Variants in UNC93A observed in about 807,000 individuals in gnomAD.
UNC93A encodes unc-93 homolog A, also known as N-acetylglucosamine transporter UNC93A.
A neutral mutation model predicts 47.5 loss-of-function variants in UNC93A; 43 were observed. That is an observed-to-expected ratio of 0.91 (90% CI 0.71 to 1.17). The LOEUF is 1.17. Ranked by LOEUF, UNC93A falls within the 50% of genes most tolerant of loss-of-function variation. UNC93A has a pLI of 0.00. For missense variants in UNC93A, 605 were observed against 577.6 expected, an observed-to-expected ratio of 1.05 and a Z score of -0.49; for synonymous variants, 280 against 258.0, an observed-to-expected ratio of 1.09 and a Z score of -0.82.
chr6:167,286,490 C>G (rs1783735307), upstream of UNC93A, among the ~76,000 whole-genome samples: 2 of 152,192 alleles, frequency 1.3e-5, no homozygotes, highest in South Asian at 4.1e-4. Flanking sequence ...GCGGCTGGAG[C>G]GAAGGGACTG....
At chr6:167,281,056 T>C (rs1451877547) in intron 1 of UNC93A, among the ~76,000 whole-genome samples, 1 of 152,108 alleles carries the variant, frequency 6.6e-6, no homozygotes, top group Non-Finnish European at 1.5e-5. Context: ...CCCAGAAGGA[T>C]GTCCCACCAA....
At chr6:167,270,070 G>GGGGGC (rs1783426629), upstream of UNC93A, among the ~76,000 whole-genome samples, 1 of 139,246 alleles carries the variant, frequency 7.2e-6, no homozygotes, top group Middle Eastern at 3.3e-3. Flanking sequence ...GGGTGGGGGG[G>GGGGGC]GGGCGTTCAC....
chr6:167,286,629 T>A (rs1389783658), upstream of UNC93A, among the ~76,000 whole-genome samples: 2 of 152,162 alleles, frequency 1.3e-5, no homozygotes, highest in Admixed American at 6.5e-5. Context: ...TAATTTCCCA[T>A]CACTGTATCT....
chr6:167,309,307 G>A (rs1016969386), intron 7 of UNC93A, among the ~76,000 whole-genome samples: 2 of 152,188 alleles, frequency 1.3e-5, no homozygotes, highest in Non-Finnish European at 2.9e-5. Context: ...AGGAAGCTGG[G>A]GCAGTGTGTG....
intron 1 of UNC93A, among the ~76,000 whole-genome samples, chr6:167,283,933 A>G (rs1239507550): frequency 6.6e-6 from 1 of 152,226 alleles, no homozygotes; most frequent in Non-Finnish European, 1.5e-5. Flanking sequence ...AAACGCTTTC[A>G]TAGCATCAGG....
intron 1 of UNC93A, 149 bp downstream of exon 1, chr6:167,291,725 G>A (rs940848203): frequency 2.8e-6 from 2 of 725,932 alleles, no homozygotes; most frequent in African/African-American, 3.6e-5. Context: ...AACAAACAGT[G>A]GTTCTCAGAT....
intron 4 of UNC93A, among the ~76,000 whole-genome samples, chr6:167,300,812 C>T (rs1392312606): frequency 6.6e-6 from 1 of 152,184 alleles, no homozygotes; most frequent in Admixed American, 6.5e-5. Flanking sequence ...ACCATCAGGT[C>T]TCCTTCCAGC....
chr6:167,276,723 C>T (rs993937747), intron 1 of UNC93A, among the ~76,000 whole-genome samples: 2 of 152,148 alleles, frequency 1.3e-5, no homozygotes, highest in Non-Finnish European at 2.9e-5. Flanking sequence ...TTTCACAGGA[C>T]ACTACTGCTG....
chr6:167,315,597 A>G lies in UNC93A; in HGVS notation c.*145A>G. 1.9e-6 allele frequency: 2 copies of G among 1,051,350 alleles called. No homozygotes were observed. Among genetic ancestry groups the G allele is most frequent in the Non-Finnish European group, 2.7e-6 (2 of 751,202 alleles). 65.1% of individuals were successfully genotyped at this position (1,051,350 alleles called of 1,614,324 possible). On this transcript the variant is annotated 3_prime_UTR_variant, in exon 8 of 8. Transcript: ENST00000230256. ...AAGAGATCATGTTATTTCACTCTTCATGTATTTTTTTTCTATTCTAACAAA... is the reference window on the plus strand; with the variant it reads ...AAGAGATCATGTTATTTCACTCTTCGTGTATTTTTTTTCTATTCTAACAAA...
rs141132881 is a variant in UNC93A at position 167,302,256 on chromosome 6, A to C, written c.626-1663A>C. Among the ~76,000 whole-genome samples the C allele has an allele frequency of 4.1e-3, 632 of 152,294 alleles. 5 individuals are homozygous for C. Among genetic ancestry groups the C allele is most frequent in the African/African-American group, 0.014 (591 of 41,532 alleles). ...AGCTGCCGGGCACAGTGCTGCAGCA[A>C]GTCCACTGCATGGGTCACACGAGGA... is the stretch of plus-strand genomic sequence containing the variant. On this transcript the variant is annotated intron_variant, in intron 4 of 7. Coordinates refer to ENST00000230256, the MANE Select transcript of UNC93A (RefSeq NM_018974.4).
At chr6:167,282,852 G>A (rs771594334) in intron 1 of UNC93A, among the ~76,000 whole-genome samples, 15 of 152,184 alleles carry the variant, frequency 9.9e-5, no homozygotes, top group African/African-American at 1.4e-4. Flanking sequence ...AAGGCGAGAC[G>A]ACTTGAAGCA....
At chr6:167,287,997 G>C (rs748424542), upstream of UNC93A, among the ~76,000 whole-genome samples, 99 of 152,182 alleles carry the variant, frequency 6.5e-4, 1 homozygote, top group Non-Finnish European at 4.4e-5. Context: ...TGACGGTCTT[G>C]GCTGGGTGGT....
intron 1 of UNC93A, among the ~76,000 whole-genome samples, chr6:167,284,891 G>A (rs1318666680): frequency 1.3e-5 from 2 of 151,746 alleles, no homozygotes; most frequent in African/African-American, 2.4e-5. Flanking sequence ...CCTTGGGAAC[G>A]CCGGACACAG....
chr6:167,315,203 G>T lies in UNC93A; in HGVS notation c.1125G>T (p.Leu375=), dbSNP rs1444270293. 3.7e-6 allele frequency: 6 copies of T among 1,613,578 alleles called. No homozygotes were observed. The highest frequency in any genetic ancestry group is 5.1e-6 in the Non-Finnish European group (6 of 1,179,890). ...QTQNNALYGV[L]FEKSKEAAFA... ...CCTCTGCAGCTCTCTACGGCGTTCT[G>T]TTTGAGAAGAGCAAGGAAGCTGCCT... The change falls in exon 8 of 8, where the codon CTG becomes CTT. Residue 375 remains leucine, a synonymous_variant. Coordinates refer to ENST00000230256, the MANE Select transcript of UNC93A (RefSeq NM_018974.4).
At chr6:167,312,163 G>T (rs960863272) in intron 7 of UNC93A, among the ~76,000 whole-genome samples, 2 of 152,028 alleles carry the variant, frequency 1.3e-5, no homozygotes, top group Admixed American at 1.3e-4. Flanking sequence ...GTTTTCTCAT[G>T]ATTAGGCTGG....
upstream of UNC93A, among the ~76,000 whole-genome samples, chr6:167,287,721 G>T (rs1337977305): frequency 1.3e-5 from 2 of 151,234 alleles, no homozygotes; most frequent in Non-Finnish European, 3.0e-5. Flanking sequence ...ATATGTGTGT[G>T]TGTGCATGCG....
chr6:167,296,385 C>A, intron 3 of UNC93A, 124 bp downstream of exon 3: 1 of 1,022,238 alleles, frequency 9.8e-7, no homozygotes, highest in Non-Finnish European at 1.5e-6. Context: ...GTGAGTCAGG[C>A]CCCACAGGTG....
At chr6:167,304,711 C>T (rs1460328971) in intron 5 of UNC93A, among the ~76,000 whole-genome samples, 1 of 152,134 alleles carries the variant, frequency 6.6e-6, no homozygotes, top group African/African-American at 2.4e-5. Flanking sequence ...GCTGGGATTA[C>T]AGGCGTGTGC....
rs187073673 is a variant in UNC93A, at chr6:167,272,973, G to A, written c.-52+1515G>A. Among the ~76,000 whole-genome samples the A allele has an allele frequency of 2.0e-5, 3 of 152,138 alleles. No individual in the cohort carries two copies. In the East Asian group the frequency reaches 5.8e-4, roughly 29 times the overall value. On this transcript the variant is annotated intron_variant, in intron 1 of 3. Coordinates refer to the UNC93A transcript ENST00000503433. ...GACTCTCAGGTTAAAATTTAAGAGT[G>A]CCCTGGCAGAGGAGGAGGTTCATTC...
Sources: gnomAD v4.1 joint callset for allele counts (sites outside exome capture counted in the v4.1 genomes callset) on GRCh38, gnomAD v4.1.1 for gene constraint, MANE v1.5 for transcripts, NCBI Gene and HGNC (gene_info 2026-07-23, HGNC 2026-07-21) for gene names.